Variants in PRKCH observed in about 807,000 individuals in gnomAD.
PRKCH encodes protein kinase C eta type.
Under a neutral mutation model 82.5 loss-of-function variants are expected in PRKCH, and 28 were observed. The observed-to-expected ratio is 0.34, with a 90% CI of 0.25 to 0.47. The LOEUF is 0.47. PRKCH is among the 20% of genes least tolerant of loss of function. The pLI is 1.00. For synonymous variants in PRKCH, 322 were observed against 327.4 expected (o/e 0.98, Z 0.18); for missense variants, 705 against 881.8 (o/e 0.80, Z 2.54).
intron 2 of PRKCH, among the ~76,000 whole-genome samples, chr14:61,405,920 A>G (rs1000074672): frequency 6.9e-6 from 1 of 145,728 alleles, no homozygotes; most frequent in Non-Finnish European, 1.5e-5. Context: ...GGGATTTACC[A>G]AGTACTGAGA....
chr14:61,442,498 C>G (rs952447428), intron 2 of PRKCH: 5 of 152,270 alleles, frequency 3.3e-5, no homozygotes, highest in African/African-American at 1.2e-4. Context: ...CAGACTGGAG[C>G]TAGGAGACCA....
At chr14:61,330,037 T>C (rs1380628660) in intron 1 of PRKCH, among the ~76,000 whole-genome samples, 2 of 152,254 alleles carry the variant, frequency 1.3e-5, no homozygotes, top group African/African-American at 4.8e-5. Context: ...GGCATTGTGC[T>C]CTATCCTGTA....
At chr14:61,494,908 A>T (rs1877061988) in intron 10 of PRKCH, among the ~76,000 whole-genome samples, 1 of 152,240 alleles carries the variant, frequency 6.6e-6, no homozygotes, top group African/African-American at 2.4e-5. Flanking sequence ...AGTGATTGAT[A>T]TACTTACCAT....
intron 1 of PRKCH, among the ~76,000 whole-genome samples, chr14:61,270,170 T>A (rs902150410): frequency 6.6e-6 from 1 of 152,136 alleles, no homozygotes; most frequent in African/African-American, 2.4e-5. Context: ...CTTTCTGCTC[T>A]GATGAAAGAC....
In PRKCH at chr14:61,299,332, AGGC is replaced by A. The variant is rs535199898; in HGVS notation, c.-19+111666_-19+111668del. Among the ~76,000 whole-genome samples, 60 of 152,254 alleles carry A rather than the reference AGGC, an allele frequency of 3.9e-4. No homozygotes were observed. The South Asian group carries it at 0.011, about 29-fold the overall frequency. ...TTGGAGTTGTATGCATGCTCACCTG[AGGC>A]GTTCTTACCTTACCAGTCAAAAGTT... On this transcript the variant is annotated intron_variant, in intron 1 of 3. Coordinates refer to the PRKCH transcript ENST00000555185.
intron 1 of PRKCH, among the ~76,000 whole-genome samples, chr14:61,387,669 C>A (rs2046609255): frequency 6.6e-6 from 1 of 152,152 alleles, no homozygotes. Context: ...GAACAAATAA[C>A]CTCCAAAGCC....
intron 10 of PRKCH, among the ~76,000 whole-genome samples, chr14:61,495,319 A>T (rs1886621111): frequency 6.6e-6 from 1 of 152,322 alleles, no homozygotes; most frequent in Middle Eastern, 3.4e-3. Context: ...TTCATCAGTG[A>T]AGGCTGTGAC....
chr14:61,398,314 A>G (rs146297482), intron 2 of PRKCH, among the ~76,000 whole-genome samples: 2 of 152,308 alleles, frequency 1.3e-5, no homozygotes, highest in East Asian at 1.9e-4. Context: ...AAAAGAATAG[A>G]TTGAAACAAT....
Position 61,215,745 on chromosome 14 carries a change from C to T in PRKCH, c.-19+28077C>T, listed in dbSNP as rs552207721. Among the ~76,000 whole-genome samples the T allele has an allele frequency of 5.3e-5, 8 of 152,298 alleles. No individual in the cohort carries two copies. The South Asian group carries it at 8.3e-4, about 16-fold the overall frequency. ...CTTGCCATGTTTCGATAGAAGAGTA[C>T]GACCCTGCTATAGCTATGTTCCACT... is the stretch of plus-strand genomic sequence containing the variant. On this transcript the variant is annotated intron_variant, in intron 1 of 3. Coordinates refer to the PRKCH transcript ENST00000555185.
Position 61,311,842 on chromosome 14 carries a change from A to G in PRKCH, c.-19+124174A>G, listed in dbSNP as rs1178639764. On this transcript the variant is annotated intron_variant, in intron 1 of 3. Coordinates refer to the PRKCH transcript ENST00000555185. ...AATTACTTTTGCACCAATCTAATAC[A>G]ATTATGGTGGAAGAGGAAGCAAGCA... 3.9e-5 allele frequency among the ~76,000 whole-genome samples: 6 copies of G among 152,320 alleles called. No homozygotes were observed. In the East Asian group the frequency reaches 7.7e-4, roughly 20 times the overall value.
intron 10 of PRKCH, among the ~76,000 whole-genome samples, chr14:61,505,619 CCCG>C (rs1887115924): frequency 6.6e-6 from 1 of 151,820 alleles, no homozygotes; most frequent in African/African-American, 2.4e-5. Flanking sequence ...AGGTGATCCA[CCCG>C]CCTTGGCCTG....
At chr14:61,473,848 C>T (rs1371569695) in intron 9 of PRKCH, among the ~76,000 whole-genome samples, 1 of 152,010 alleles carries the variant, frequency 6.6e-6, no homozygotes, top group Non-Finnish European at 1.5e-5. Flanking sequence ...CAAAAATTAG[C>T]CGGGCATGGT....
At chr14:61,253,021 A>C (rs927987068) in intron 1 of PRKCH, among the ~76,000 whole-genome samples, 2 of 152,242 alleles carry the variant, frequency 1.3e-5, no homozygotes, top group African/African-American at 2.4e-5. Flanking sequence ...CAGAAAAACA[A>C]GAAACAGTTT....
chr14:61,366,278 G>A (rs1298376422), intron 1 of PRKCH, among the ~76,000 whole-genome samples: 1 of 152,098 alleles, frequency 6.6e-6, no homozygotes, highest in African/African-American at 2.4e-5. Context: ...ATTGCCAGAA[G>A]TTTGACTTTC....
chr14:61,225,864 A>G (rs1301519182), intron 1 of PRKCH, among the ~76,000 whole-genome samples: 1 of 151,908 alleles, frequency 6.6e-6, no homozygotes, highest in African/African-American at 2.4e-5. Flanking sequence ...TCATCCTCCC[A>G]TATAGCTGGA....
intron 10 of PRKCH, among the ~76,000 whole-genome samples, chr14:61,517,665 G>A (rs1263960832): frequency 6.6e-6 from 1 of 152,208 alleles, no homozygotes; most frequent in Non-Finnish European, 1.5e-5. Context: ...GAACTCGTTT[G>A]TTGGTCTTCA....
chr14:61,318,558 GC>G (rs139573949), upstream of PRKCH, among the ~76,000 whole-genome samples: 20 of 151,968 alleles, frequency 1.3e-4, no homozygotes, highest in East Asian at 2.5e-3. Flanking sequence ...GTTGGCTCAA[GC>G]CAGATTCTGC....
At chr14:61,322,553 TC>T in intron 1 of PRKCH, 89 bp downstream of exon 1, 3 of 1,486,898 alleles carry the variant, frequency 2.0e-6, no homozygotes, top group Non-Finnish European at 2.7e-6. Flanking sequence ...CGCTTTCCCA[TC>T]GCTTTGTGGC....
In PRKCH at chr14:61,529,005, T is replaced by TGTGTGTGTGTGTGTGTGTGTGTGTGC. The variant is rs1491304992; in HGVS notation, c.1434-69_1434-68insTGTGTGTGTGTGTGTGTGTGTGTGCG. The TGTGTGTGTGTGTGTGTGTGTGTGTGC allele has an allele frequency of 3.6e-5, 52 of 1,460,710 alleles. No homozygotes were observed. In the African/African-American group the frequency reaches 7.6e-4, roughly 21 times the overall value. The allele number at this position is 1,460,710 out of a possible 1,614,324, so 90.5% of individuals were successfully genotyped here. A position where few individuals can be genotyped will look rare whatever the true frequency, so the allele number is the denominator to read the frequency against. Reference sequence around the variant, plus strand: ...GTGTGTGTGTGTGTGTGTGTGTGTGTGCCCATTCTGAGAGGTGGATGGTTT... The same window carrying TGTGTGTGTGTGTGTGTGTGTGTGTGC: ...GTGTGTGTGTGTGTGTGTGTGTGTGTGTGTGTGTGTGTGTGTGTGTGTGTGCGCCCATTCTGAGAGGTGGATGGTTT... On this transcript the variant is annotated intron_variant, in intron 10 of 13. Transcript: ENST00000332981.
Sources: gnomAD v4.1 joint callset for allele counts (sites outside exome capture counted in the v4.1 genomes callset) on GRCh38, gnomAD v4.1.1 for gene constraint, MANE v1.5 for transcripts, NCBI Gene and HGNC (gene_info 2026-07-23, HGNC 2026-07-21) for gene names.